The following HIPK2 variants were observed in gnomAD, a reference collection of about 807,000 sequenced individuals.
HIPK2 encodes homeodomain interacting protein kinase 2.
HIPK2 carries 27 observed loss-of-function variants against 113.7 expected under a neutral mutation model. The observed-to-expected ratio is 0.24, with a 90% confidence interval of 0.17 to 0.33. The LOEUF (loss-of-function observed/expected upper bound fraction) is 0.33. Among genes scored for constraint, HIPK2 ranks in the 10% least tolerant of loss-of-function variants. HIPK2 has a pLI of 1.00. For synonymous variants in HIPK2, 631 were observed against 642.2 expected (o/e 0.98, Z 0.26); for missense variants, 1,257 against 1,588.0 (o/e 0.79, Z 3.54).
intron 13 of HIPK2, among the ~76,000 whole-genome samples, chr7:139,576,613 G>A (rs1395269802): frequency 2.6e-5 from 4 of 152,222 alleles, no homozygotes; most frequent in African/African-American, 7.2e-5. Context: ...TGCTAAGGAC[G>A]GTGACTGTGT....
intron 1 of HIPK2, among the ~76,000 whole-genome samples, chr7:139,721,787 C>T (rs1795417155): frequency 6.6e-6 from 1 of 152,132 alleles, no homozygotes; most frequent in Admixed American, 6.5e-5. Flanking sequence ...GGGCAAGTTT[C>T]GAGCCCATGG....
At chr7:139,720,968 C>T (rs1274699843) in intron 1 of HIPK2, among the ~76,000 whole-genome samples, 1 of 152,084 alleles carries the variant, frequency 6.6e-6, no homozygotes, top group East Asian at 1.9e-4. Context: ...GGGATGACAG[C>T]CAAGGGTCAT....
rs1196573049 is a variant in HIPK2 at position 139,563,781 on chromosome 7, A to AT, written c.*9145dup. Reference sequence around the variant, plus strand: ...TTCACAGGGAAAAAGCAAATGTGGTATTTTTTTGTATTTTTTAAAAGCTCC... The same window carrying AT: ...TTCACAGGGAAAAAGCAAATGTGGTATTTTTTTTGTATTTTTTAAAAGCTCC... On this transcript the variant is annotated 3_prime_UTR_variant, in exon 15 of 15. Coordinates refer to ENST00000406875, the MANE Select transcript of HIPK2 (RefSeq NM_022740.5). 7 of 398,350 alleles carry AT rather than the reference A, an allele frequency of 1.8e-5. No homozygotes were observed. Among genetic ancestry groups the AT allele is most frequent in the South Asian group, 1.3e-4 (1 of 7,844 alleles). 24.7% of individuals were successfully genotyped at this position (398,350 alleles called of 1,614,324 possible). A position where few individuals can be genotyped will look rare whatever the true frequency, so the allele number is the denominator to read the frequency against.
intron 1 of HIPK2, among the ~76,000 whole-genome samples, chr7:139,775,009 G>A (rs979495513): frequency 5.3e-5 from 8 of 152,126 alleles, no homozygotes; most frequent in South Asian, 2.1e-4. Flanking sequence ...AATCTCTGGC[G>A]GTTCAGAACG....
At chr7:139,703,509 C>T (rs1794772366) in intron 2 of HIPK2, among the ~76,000 whole-genome samples, 1 of 152,014 alleles carries the variant, frequency 6.6e-6, no homozygotes, top group African/African-American at 2.4e-5. Flanking sequence ...CCCTCATGTT[C>T]TGGCCAAATA....
In HIPK2 at chr7:139,583,837, TCCA is replaced by T; in HGVS notation, c.2942_2944del (p.Val981del). The T allele has an allele frequency of 2.5e-6, 4 of 1,611,918 alleles. No homozygotes were observed. Among genetic ancestry groups the T allele is most frequent in the Non-Finnish European group, 3.4e-6 (4 of 1,179,022 alleles). ...ATTACCTGGCACCAGGCTATCACAC[TCCA>T]CCAATACTTCGCTGGCCTGGGTTTT... On this transcript the variant is annotated inframe_deletion, in exon 13 of 15. Transcript: ENST00000406875.
chr7:139,752,987 T>C (rs1034933731), intron 1 of HIPK2, among the ~76,000 whole-genome samples: 1 of 152,208 alleles, frequency 6.6e-6, no homozygotes, highest in African/African-American at 2.4e-5. Flanking sequence ...CAATTCCCAG[T>C]GCACATCCCA....
intron 12 of HIPK2, among the ~76,000 whole-genome samples, chr7:139,595,392 A>G (rs937689565): frequency 4.6e-5 from 7 of 152,154 alleles, no homozygotes; most frequent in Non-Finnish European, 5.9e-5. Context: ...CATTCACTCA[A>G]CTTGAGGCTG....
Position 139,573,435 on chromosome 7 carries a change from G to A in HIPK2, c.3127-38C>T, listed in dbSNP as rs764819384. 8 of 1,578,564 alleles carry A rather than the reference G, an allele frequency of 5.1e-6. No homozygotes were observed. The East Asian group carries it at 6.7e-5, about 13-fold the overall frequency. Reference sequence around the variant, plus strand: ...GGCACCAAGAGAGACGTCAGGGGCCGACACATGGGGAGGAAGGAATGGGAG... The same window carrying A: ...GGCACCAAGAGAGACGTCAGGGGCCAACACATGGGGAGGAAGGAATGGGAG... On this transcript the variant is annotated intron_variant, in intron 14 of 14. Coordinates refer to ENST00000406875, the MANE Select transcript of HIPK2 (RefSeq NM_022740.5).
intron 12 of HIPK2, among the ~76,000 whole-genome samples, chr7:139,584,334 G>C (rs1169923373): frequency 6.6e-6 from 1 of 152,202 alleles, no homozygotes; most frequent in Non-Finnish European, 1.5e-5. Context: ...TTCCGGGCTG[G>C]CCTGGGCTCT....
chr7:139,710,519 TC>T (rs1334466209), intron 2 of HIPK2, among the ~76,000 whole-genome samples: 1 of 152,200 alleles, frequency 6.6e-6, no homozygotes, highest in Non-Finnish European at 1.5e-5. Flanking sequence ...TATTGAAGCA[TC>T]AGAATGACAG....
chr7:139,675,040 A>G (rs529969383), intron 2 of HIPK2, among the ~76,000 whole-genome samples: 1 of 152,342 alleles, frequency 6.6e-6, no homozygotes, highest in Admixed American at 6.5e-5. Context: ...TGCTGTGTCT[A>G]ATTTTAGTTC....
intron 1 of HIPK2, among the ~76,000 whole-genome samples, chr7:139,725,399 G>A (rs1169656630): frequency 6.6e-6 from 1 of 152,214 alleles, no homozygotes; most frequent in Non-Finnish European, 1.5e-5. Flanking sequence ...CTCATGGCGG[G>A]AGCGGCCAGC....
chr7:139,634,946 G>A (rs781052865), intron 2 of HIPK2, among the ~76,000 whole-genome samples: 25 of 152,114 alleles, frequency 1.6e-4, no homozygotes, highest in Non-Finnish European at 3.2e-4. Context: ...CCAAAGTGCT[G>A]GGATTACAGG....
chr7:139,650,751 G>C (rs187470698), intron 2 of HIPK2, among the ~76,000 whole-genome samples: 1 of 152,250 alleles, frequency 6.6e-6, no homozygotes, highest in East Asian at 1.9e-4. Flanking sequence ...CTCTGGAAGA[G>C]GACCCTCAAT....
chr7:139,564,880 T>C lies in HIPK2; in HGVS notation c.*8047A>G, dbSNP rs1290786043. ...TTGATAGCTTAGAAGGCTAACAGCA[T>C]TTTACAGTAGCTAAAAACATATATA... is the stretch of plus-strand genomic sequence containing the variant. On this transcript the variant is annotated 3_prime_UTR_variant, in exon 15 of 15. Coordinates refer to ENST00000406875, the MANE Select transcript of HIPK2 (RefSeq NM_022740.5). 2 of 152,230 alleles carry C rather than the reference T, an allele frequency of 1.3e-5. No homozygotes were observed. The highest frequency in any genetic ancestry group is 2.9e-5 in the Non-Finnish European group (2 of 68,038). 9.4% of individuals were successfully genotyped at this position (152,230 alleles called of 1,614,324 possible). A position where few individuals can be genotyped will look rare whatever the true frequency, so the allele number is the denominator to read the frequency against.
intron 1 of HIPK2, among the ~76,000 whole-genome samples, chr7:139,751,377 G>C (rs562886584): frequency 3.9e-5 from 6 of 152,080 alleles, no homozygotes; most frequent in Non-Finnish European, 8.8e-5. Context: ...CCCTTTGTGT[G>C]ACTCAAGAAC....
chr7:139,626,731 G>A lies in HIPK2; in HGVS notation c.1489C>T (p.Arg497Trp), dbSNP rs1236311429. The A allele has an allele frequency of 1.4e-5, 23 of 1,613,774 alleles. No homozygotes were observed. The highest frequency in any genetic ancestry group is 1.8e-5 in the Non-Finnish European group (21 of 1,179,900). The change falls in exon 6 of 15, where the codon CGG (arginine) becomes TGG (tryptophan). Residue 497 changes from arginine (R) to tryptophan (W), a missense_variant. Arg to Trp is a moderately radical substitution (Grantham distance 101). Around this residue, in one of 5 missense-constraint regions of HIPK2, gnomAD observed 862 missense variants for 1,004.3 expected, o/e 0.86. Coordinates refer to ENST00000406875, the MANE Select transcript of HIPK2 (RefSeq NM_022740.5). ...TTCAACAGGTCAATGAACTCCCGCC[G>A]GTCAGCCTTTTCTACCAACATGTCG... ...GSDMLVEKAD[R>W]REFIDLLKKM...
At chr7:139,746,836 T>C (rs2117095996) in intron 1 of HIPK2, among the ~76,000 whole-genome samples, 1 of 152,140 alleles carries the variant, frequency 6.6e-6, no homozygotes, top group Non-Finnish European at 1.5e-5. Flanking sequence ...CAAGGTGACG[T>C]GGGCCAGGGG....
Sources: allele counts gnomAD v4.1 joint callset (sites outside exome capture counted in the v4.1 genomes callset), GRCh38; gene constraint gnomAD v4.1.1; regional missense constraint gnomAD v4.1.1; transcripts MANE v1.5; gene names NCBI Gene and HGNC (gene_info 2026-07-23, HGNC 2026-07-21).